Variants in PKM observed in about 807,000 individuals in gnomAD.
PKM encodes pyruvate kinase PKM.
In PKM, 18 loss-of-function variants were observed where a neutral mutation model predicts 49.8. That is an observed-to-expected ratio of 0.36 (90% confidence interval 0.25 to 0.54). The LOEUF is 0.54. Ranked by LOEUF, PKM falls within the 20% of genes least tolerant of loss-of-function variation. The pLI is 0.89. For missense variants in PKM, 508 were observed against 713.8 expected (o/e 0.71, Z 3.28); for synonymous variants, 239 against 261.8 (o/e 0.91, Z 0.84).
chr15:72,229,766 C>A lies in PKM; in HGVS notation c.-14+1350G>T, dbSNP rs1474723201. ...TAGTCATCCTGGTCTCTAACTCTGA[C>A]CCCCAAACAGCCCTTGACCCACACC... On this transcript the variant is annotated intron_variant, in intron 1 of 10. Transcript: ENST00000335181. 9.5e-6 allele frequency: 10 copies of A among 1,057,214 alleles called. No individual in the cohort carries two copies. The African/African-American group carries it at 1.6e-4, about 17-fold the overall frequency. 65.5% of individuals were successfully genotyped at this position (1,057,214 alleles called of 1,614,324 possible).
rs751266254 is a variant in PKM at position 72,221,193 on chromosome 15, C to T, written c.-13-2083G>A. On this transcript the variant is annotated intron_variant, in intron 1 of 10. Transcript: ENST00000335181. ...CTTTGGTTCTCTGGGGTTGGGCTTC[C>T]GGTGACATAATGCTCCCCTTTTGGC... 35 of 1,534,684 alleles carry T rather than the reference C, an allele frequency of 2.3e-5. No homozygotes were observed. The South Asian group carries it at 2.7e-4, about 12-fold the overall frequency.
Position 72,210,481 on chromosome 15 carries a change from G to T in PKM, c.247-3C>A. On this transcript the variant is annotated splice_polypyrimidine_tract_variant and splice_region_variant and intron_variant, in intron 3 of 10. Transcript: ENST00000335181. ...TTCTTGATGGTCTCCGCATGGTACTGGGGGAAAAGAAGGAAGATGACAAGC... is the reference window on the plus strand; with the variant it reads ...TTCTTGATGGTCTCCGCATGGTACTTGGGGAAAAGAAGGAAGATGACAAGC... 1.9e-6 allele frequency: 3 copies of T among 1,613,974 alleles called. No homozygotes were observed. Among genetic ancestry groups the T allele is most frequent in the Non-Finnish European group, 2.5e-6 (3 of 1,179,906 alleles).
At chr15:72,223,039 A>T (rs1477546747) in intron 1 of PKM, among the ~76,000 whole-genome samples, 2 of 137,704 alleles carry the variant, frequency 1.5e-5, no homozygotes, top group Non-Finnish European at 3.1e-5. Flanking sequence ...TTTTTTTTTC[A>T]GACAGGGTTT....
At chr15:72,221,237 C>T (rs2082513721) in intron 1 of PKM, 1 of 1,535,520 alleles carries the variant, frequency 6.5e-7, no homozygotes, top group South Asian at 1.2e-5. Context: ...GCTCCTTGGC[C>T]TCACTAGCAA....
rs1250930468 is a variant in PKM at position 72,199,557 on chromosome 15, A to G, written c.*93T>C. ...TCCCAACCTACCAGTGCCACGTTAC[A>G]GCCCAGAGTGAGTTCTACAAGCGTT... On this transcript the variant is annotated 3_prime_UTR_variant, in exon 11 of 11. Coordinates refer to ENST00000335181, the MANE Select transcript of PKM (RefSeq NM_002654.6). The G allele has an allele frequency of 1.2e-6, 1 of 860,668 alleles. No individual in the cohort carries two copies. Among genetic ancestry groups the G allele is most frequent in the Admixed American group, 1.9e-5 (1 of 52,976 alleles). The allele number at this position is 860,668 out of a possible 1,614,324, so 53.3% of individuals were successfully genotyped here.
Position 72,209,856 on chromosome 15 carries a change from C to A in PKM, c.382G>T (p.Gly128Cys). 6.2e-7 allele frequency: 1 copy of A among 1,613,880 alleles called. No homozygotes were observed. The highest frequency in any genetic ancestry group is 8.5e-7 in the Non-Finnish European group (1 of 1,179,842). The change falls in exon 5 of 11, where the codon GGC (glycine) becomes TGC (cysteine). Residue 128 changes from glycine to cysteine, a missense_variant. Coordinates refer to ENST00000335181, the MANE Select transcript of PKM (RefSeq NM_002654.6). ...EIRTGLIKGSGTAEVELKKGA... is the reference protein window; with the variant it reads ...EIRTGLIKGSCTAEVELKKGA... ...TTCTTCAGCTCCACCTCTGCAGTGC[C>A]GCTCTAGGGACAAGAGAGTAAGCAA... is the stretch of plus-strand genomic sequence containing the variant.
chr15:72,208,417 C>CT (rs201532240), intron 6 of PKM, among the ~76,000 whole-genome samples: 8 of 151,444 alleles, frequency 5.3e-5, no homozygotes, highest in African/African-American at 1.5e-4. Context: ...ACCTGGGAAG[C>CT]TTTTTTTTAA....
chr15:72,208,048 G>A (rs1041281471), intron 6 of PKM, among the ~76,000 whole-genome samples: 2 of 152,204 alleles, frequency 1.3e-5, no homozygotes, highest in Admixed American at 1.3e-4. Context: ...GCTAAGTTGG[G>A]GCAATCTGAA....
chr15:72,219,165 C>T, intron 1 of PKM, 55 bp from the exon 2 acceptor site: 2 of 1,501,426 alleles, frequency 1.3e-6, no homozygotes, highest in Admixed American at 1.7e-5. Flanking sequence ...GTTAATATAC[C>T]ATTTAGCACA....
chr15:72,219,282 A>C (rs1319332215), intron 1 of PKM, 172 bp from the exon 2 acceptor site: 4 of 608,464 alleles, frequency 6.6e-6, no homozygotes, highest in Non-Finnish European at 8.6e-6. Context: ...ATGTTAGAAA[A>C]AGGGTTCACC....
chr15:72,204,403 G>C (rs1028471310), intron 8 of PKM: 5 of 152,196 alleles, frequency 3.3e-5, no homozygotes, highest in Non-Finnish European at 7.3e-5. Context: ...GAAACACCAG[G>C]GTATGGAAGA....
intron 1 of PKM, among the ~76,000 whole-genome samples, chr15:72,230,542 G>A (rs552558193): frequency 1.2e-4 from 18 of 152,260 alleles, no homozygotes; most frequent in African/African-American, 3.1e-4. Flanking sequence ...CAGCAAGCAG[G>A]GGGAGGGGCG....
chr15:72,215,356 A>G (rs1029780099), intron 3 of PKM, among the ~76,000 whole-genome samples: 1 of 152,198 alleles, frequency 6.6e-6, no homozygotes, highest in Non-Finnish European at 1.5e-5. Context: ...AAAGGTGCAC[A>G]TGAAACGATA....
At chr15:72,229,286 C>T (rs1388252565) in intron 1 of PKM, among the ~76,000 whole-genome samples, 1 of 152,204 alleles carries the variant, frequency 6.6e-6, no homozygotes, top group African/African-American at 2.4e-5. Context: ...GCCACATCCA[C>T]GTAAGCATGA....
intron 8 of PKM, chr15:72,203,188 T>C (rs1555438568): frequency 6.8e-6 from 11 of 1,613,436 alleles, no homozygotes; most frequent in Non-Finnish European, 8.5e-6. Context: ...TCACGAGCTA[T>C]CTGTAAGGTT....
At chr15:72,221,117 G>A in intron 1 of PKM, 4 of 1,017,476 alleles carry the variant, frequency 3.9e-6, no homozygotes, top group South Asian at 1.4e-5. Flanking sequence ...CCTGAGATAT[G>A]AGGGTCTTCC....
chr15:72,228,245 C>A (rs1369088433), intron 1 of PKM, among the ~76,000 whole-genome samples: 2 of 152,140 alleles, frequency 1.3e-5, no homozygotes, highest in Non-Finnish European at 2.9e-5. Context: ...GTGCCCGCTA[C>A]AAAAGGGCCA....
At chr15:72,221,188 G>T in intron 1 of PKM, 1 of 1,533,950 alleles carries the variant, frequency 6.5e-7, no homozygotes, top group African/African-American at 1.4e-5. Flanking sequence ...CTGGGGTTGG[G>T]CTTCCGGTGA....
chr15:72,224,820 C>T (rs1024574306), intron 1 of PKM, among the ~76,000 whole-genome samples: 2 of 151,048 alleles, frequency 1.3e-5, no homozygotes, highest in Admixed American at 6.6e-5. Context: ...CACCACTGCC[C>T]TCCAGCCCGG....
Sources: allele counts gnomAD v4.1 joint callset (sites outside exome capture counted in the v4.1 genomes callset), GRCh38; gene constraint gnomAD v4.1.1; transcripts MANE v1.5; gene names NCBI Gene and HGNC (gene_info 2026-07-23, HGNC 2026-07-21).